KDM1A: variants seen among roughly 807,000 people sequenced by gnomAD.
KDM1A encodes the protein lysine demethylase 1A, also known as lysine-specific histone demethylase 1A.
A neutral mutation model predicts 109.4 loss-of-function variants in KDM1A; 49 were observed. The observed-to-expected ratio is 0.45, with a 90% CI of 0.36 to 0.57. The LOEUF is 0.57. KDM1A is among the 20% of genes least tolerant of loss of function. The probability of loss-of-function intolerance (pLI) is 0.00; values close to 1 mark genes in which losing one functional copy is unlikely to be tolerated. For synonymous variants in KDM1A, 380 were observed against 415.4 expected (o/e 0.91, Z 1.04); for missense variants, 668 against 1,116.6 (o/e 0.60, Z 5.73).
intron 10 of KDM1A, among the ~76,000 whole-genome samples, chr1:23,066,765 A>G (rs922883900): frequency 4.6e-5 from 7 of 152,190 alleles, no homozygotes; most frequent in African/African-American, 1.4e-4. Flanking sequence ...TTGAAATGTA[A>G]TTGTTTCTCC....
intron 15 of KDM1A, among the ~76,000 whole-genome samples, chr1:23,073,893 T>C (rs1218310005): frequency 6.6e-6 from 1 of 152,264 alleles, no homozygotes; most frequent in Admixed American, 6.5e-5. Flanking sequence ...GATATACCAC[T>C]GGTGCCTTAA....
At position 23,056,983 on chromosome 1, in the gene KDM1A, G is replaced by A. The variant is rs1340362124; in HGVS notation, c.991-501G>A. On this transcript the variant is annotated intron_variant, in intron 7 of 20. Transcript: ENST00000400181. The stretch of plus-strand genomic sequence containing the variant: ...GTTCAGTATGGACTCTCTGCCCCTG[G>A]GCATGGGGGTGCACTGGAGAACCAT... 2.0e-5 allele frequency among the ~76,000 whole-genome samples: 3 copies of A among 151,824 alleles called. No individual in the cohort carries two copies. The South Asian group carries it at 6.3e-4, about 32-fold the overall frequency.
rs779305833 is a variant in KDM1A at position 23,037,127 on chromosome 1, T to TACAC, written c.517+6494_517+6495insCACA. Among the ~76,000 whole-genome samples the TACAC allele has an allele frequency of 7.0e-3, 789 of 113,110 alleles. 3 individuals carry two copies. Among genetic ancestry groups the TACAC allele is most frequent in the East Asian group, 0.026 (90 of 3,414 alleles). The allele number at this position is 113,110 out of a possible 152,430, so 74.2% of individuals were successfully genotyped here. A position where few individuals can be genotyped will look rare whatever the true frequency, so the allele number is the denominator to read the frequency against. On this transcript the variant is annotated intron_variant, in intron 2 of 20. Transcript: ENST00000400181. ...CCCCATCTCCACTAAAAAAAATATA[T>TACAC]ATACACACACACACACACACACACA... is the stretch of plus-strand genomic sequence containing the variant.
intron 7 of KDM1A, among the ~76,000 whole-genome samples, chr1:23,056,986 A>G (rs1569747921): frequency 6.6e-6 from 1 of 152,082 alleles, no homozygotes; most frequent in Non-Finnish European, 1.5e-5. Flanking sequence ...GCCCCTGGGC[A>G]TGGGGGTGCA....
intron 18 of KDM1A, 118 bp from the exon 19 acceptor site, chr1:23,081,328 T>C (rs1273928952): frequency 7.0e-6 from 8 of 1,135,408 alleles, no homozygotes; most frequent in African/African-American, 6.2e-5. Context: ...ATTTGAATGG[T>C]ACTGCGTGTG....
At chr1:23,065,671 GTCAAATGTGGCAGCAA>G (rs1243268518) in intron 9 of KDM1A, among the ~76,000 whole-genome samples, 4 of 152,166 alleles carry the variant, frequency 2.6e-5, no homozygotes, top group Admixed American at 1.3e-4. Flanking sequence ...TCTGGTGTCA[GTCAAATGTGGCAGCAA>G]TCTTTTGGTT....
At chr1:23,056,063 A>G in intron 7 of KDM1A, 25 bp downstream of exon 7, 1 of 1,464,340 alleles carries the variant, frequency 6.8e-7, no homozygotes, top group African/African-American at 1.4e-5. Context: ...TTGAGTTTAG[A>G]GGCTTGACCT....
At position 23,082,213 on chromosome 1, in the gene KDM1A, C is replaced by G; in HGVS notation, c.2299-7C>G. The G allele has an allele frequency of 6.2e-7, 1 of 1,612,120 alleles. No individual in the cohort carries two copies. Among genetic ancestry groups the G allele is most frequent in the Non-Finnish European group, 8.5e-7 (1 of 1,179,364 alleles). On this transcript the variant is annotated splice_polypyrimidine_tract_variant and splice_region_variant and intron_variant, in intron 19 of 20. Transcript: ENST00000400181. ...GTAATGACTTTTGCTCCTGGTTTTT[C>G]TTTTAGCCCAAAGAAACTGTGGTGT...
At chr1:23,069,286 A>G in intron 12 of KDM1A, 135 bp downstream of exon 12, 1 of 553,940 alleles carries the variant, frequency 1.8e-6, no homozygotes, top group Non-Finnish European at 3.3e-6. Flanking sequence ...ATTCTTAAGA[A>G]AATAATGACT....
At chr1:23,020,816 T>A (rs1462145895) in intron 1 of KDM1A, among the ~76,000 whole-genome samples, 1 of 152,172 alleles carries the variant, frequency 6.6e-6, no homozygotes, top group Non-Finnish European at 1.5e-5. Flanking sequence ...GTGATGGAAG[T>A]GGAATGTAAT....
At chr1:23,065,355 T>C (rs2124498887) in intron 9 of KDM1A, among the ~76,000 whole-genome samples, 1 of 152,374 alleles carries the variant, frequency 6.6e-6, no homozygotes, top group South Asian at 2.1e-4. Flanking sequence ...AGCTTGTTTT[T>C]AGAAATGATC....
rs200640253 is a variant in KDM1A at position 23,083,373 on chromosome 1, C to G, written c.*9C>G. 6 of 1,607,252 alleles carry G rather than the reference C, an allele frequency of 3.7e-6. No individual in the cohort carries two copies. In the Admixed American group the frequency reaches 8.4e-5, roughly 22 times the overall value. The stretch of plus-strand genomic sequence containing the variant: ...AGTCCCCAAGCATGTGAGACAGATG[C>G]ATTCTAAGGGAAGAGGCCCATGTGC... On this transcript the variant is annotated 3_prime_UTR_variant, in exon 21 of 21. Coordinates refer to ENST00000400181, the MANE Select transcript of KDM1A (RefSeq NM_001009999.3).
At chr1:23,036,713 G>A (rs1250382999) in intron 2 of KDM1A, among the ~76,000 whole-genome samples, 2 of 151,930 alleles carry the variant, frequency 1.3e-5, no homozygotes, top group African/African-American at 2.4e-5. Flanking sequence ...AATGCATAAT[G>A]GAAAGCAAAA....
intron 9 of KDM1A, among the ~76,000 whole-genome samples, chr1:23,065,281 G>T (rs1357813918): frequency 6.6e-6 from 1 of 152,102 alleles, no homozygotes; most frequent in African/African-American, 2.4e-5. Context: ...GGTAGTTTGG[G>T]GTTGTTGGGA....
intron 18 of KDM1A, chr1:23,081,166 A>G: frequency 3.1e-6 from 1 of 321,436 alleles, no homozygotes. Flanking sequence ...AAGATCTGAA[A>G]TTATATCTTC....
intron 1 of KDM1A, 114 bp downstream of exon 1, chr1:23,020,061 C>T: frequency 8.8e-7 from 1 of 1,131,008 alleles, no homozygotes; most frequent in Non-Finnish European, 1.2e-6. Flanking sequence ...TCAGACCTCC[C>T]CTTGTATCGC....
At chr1:23,058,748 G>A (rs370115116) in intron 8 of KDM1A, among the ~76,000 whole-genome samples, 6 of 152,122 alleles carry the variant, frequency 3.9e-5, no homozygotes, top group Non-Finnish European at 8.8e-5. Flanking sequence ...CCGTATTAGC[G>A]TAAAACGATG....
intron 3 of KDM1A, among the ~76,000 whole-genome samples, chr1:23,049,023 A>G (rs1382578172): frequency 1.3e-5 from 2 of 151,758 alleles, no homozygotes; most frequent in Admixed American, 6.6e-5. Flanking sequence ...ATGGTGGTGC[A>G]TGCCTGTAGT....
intron 20 of KDM1A, chr1:23,082,608 T>C (rs1346675069): frequency 1.5e-5 from 6 of 393,132 alleles, no homozygotes; most frequent in Non-Finnish European, 2.7e-5. Context: ...CATTTTTCCT[T>C]ATTCAGGTTT....
Sources: allele counts gnomAD v4.1 joint callset (sites outside exome capture counted in the v4.1 genomes callset), GRCh38; gene constraint gnomAD v4.1.1; transcripts MANE v1.5; gene names NCBI Gene and HGNC (gene_info 2026-07-23, HGNC 2026-07-21).